Variants in TMC1 observed in about 807,000 individuals in gnomAD.
TMC1 encodes transmembrane channel like 1.
TMC1 carries 84 observed loss-of-function variants against 105.8 expected under a neutral mutation model. That is an observed-to-expected ratio of 0.79 (90% confidence interval 0.67 to 0.95). The LOEUF (loss-of-function observed/expected upper bound fraction) is 0.95. TMC1 is among the 40% of genes least tolerant of loss of function. The probability of loss-of-function intolerance (pLI) is 0.00; values close to 1 mark genes in which losing one functional copy is unlikely to be tolerated. For missense variants in TMC1, 817 were observed against 914.1 expected, an observed-to-expected ratio of 0.89 and a Z score of 1.37; for synonymous variants, 315 against 311.5, an observed-to-expected ratio of 1.01 and a Z score of -0.12.
At chr9:72,684,707 G>A (rs1267248629) in intron 5 of TMC1, among the ~76,000 whole-genome samples, 5 of 152,032 alleles carry the variant, frequency 3.3e-5, no homozygotes, top group African/African-American at 4.8e-5. Flanking sequence ...GAAATCCAAC[G>A]GATCTGATTA....
chr9:72,807,149 A>G (rs142055132), intron 18 of TMC1, among the ~76,000 whole-genome samples: 312 of 152,330 alleles, frequency 2.0e-3, no homozygotes, highest in Admixed American at 5.2e-3. Context: ...GGCACTCGGC[A>G]TGCTCAGTCA....
At chr9:72,608,193 A>G (rs1291332842) in intron 2 of TMC1, among the ~76,000 whole-genome samples, 1 of 152,186 alleles carries the variant, frequency 6.6e-6, no homozygotes, top group Non-Finnish European at 1.5e-5. Flanking sequence ...TTAAACAGAA[A>G]AAGTGAAAAA....
intron 8 of TMC1, among the ~76,000 whole-genome samples, chr9:72,736,221 A>G (rs1827295091): frequency 6.6e-6 from 1 of 152,218 alleles, no homozygotes; most frequent in African/African-American, 2.4e-5. Flanking sequence ...GAAGAGACAA[A>G]AATAAAACTT....
At chr9:72,646,672 C>T (rs1049309837) in intron 4 of TMC1, among the ~76,000 whole-genome samples, 2 of 151,324 alleles carry the variant, frequency 1.3e-5, no homozygotes, top group African/African-American at 4.9e-5. Context: ...CTCGCCCCGT[C>T]CTGCAGACTG....
chr9:72,824,435 C>A (rs899237844), intron 20 of TMC1, among the ~76,000 whole-genome samples: 3 of 152,168 alleles, frequency 2.0e-5, no homozygotes, highest in Non-Finnish European at 4.4e-5. Context: ...AGAATGAGGT[C>A]ACATGGATTA....
rs1564400192 is a variant in TMC1, at chr9:72,543,958, T to TCTTTCTTTC, written c.-428+22045_-428+22046insCTTTCTTTC. ...TTTTTCTTTTTCTTTCTTTCTTTTT[T>TCTTTCTTTC]TTTTTTTTTTTGAGATGGAGTCTCG... On this transcript the variant is annotated intron_variant, in intron 1 of 23. Transcript: ENST00000297784. Among the ~76,000 whole-genome samples, 228 of 145,264 alleles carry TCTTTCTTTC rather than the reference T, an allele frequency of 1.6e-3. 1 individual carries two copies. Among genetic ancestry groups the TCTTTCTTTC allele is most frequent in the African/African-American group, 5.1e-3 (199 of 39,150 alleles).
intron 10 of TMC1, 45 bp from the exon 11 acceptor site, chr9:72,751,805 G>C: frequency 7.8e-7 from 1 of 1,276,096 alleles, no homozygotes; most frequent in Non-Finnish European, 1.1e-6. Context: ...TTGTTTGTTT[G>C]TTTGCTTTGA....
chr9:72,654,698 A>C (rs1051994248), intron 5 of TMC1, among the ~76,000 whole-genome samples: 8 of 152,116 alleles, frequency 5.3e-5, no homozygotes, highest in African/African-American at 1.9e-4. Context: ...TATCATTATT[A>C]CTTTTTGTTT....
chr9:72,828,966 T>C (rs1200218632), intron 21 of TMC1, among the ~76,000 whole-genome samples: 2 of 152,206 alleles, frequency 1.3e-5, no homozygotes, highest in African/African-American at 4.8e-5. Flanking sequence ...TCATGGGCCA[T>C]ACAAAACAGT....
intron 10 of TMC1, among the ~76,000 whole-genome samples, chr9:72,745,947 ACAGT>A (rs1431143958): frequency 1.3e-5 from 2 of 152,190 alleles, no homozygotes; most frequent in Non-Finnish European, 2.9e-5. Flanking sequence ...TGTGTAAGTT[ACAGT>A]CAGTTTTACA....
Position 72,810,584 on chromosome 9 carries a change from A to G in TMC1, c.1695+5074A>G, listed in dbSNP as rs560792477. 2.0e-5 allele frequency among the ~76,000 whole-genome samples: 3 copies of G among 151,432 alleles called. No homozygotes were observed. The South Asian group carries it at 6.2e-4, about 31-fold the overall frequency. ...TATAGTAACAGATTTTTATAAATATACACATATATACTTTTGTATACGTAT... is the reference window on the plus strand; with the variant it reads ...TATAGTAACAGATTTTTATAAATATGCACATATATACTTTTGTATACGTAT... On this transcript the variant is annotated intron_variant, in intron 18 of 23. Transcript: ENST00000297784.
chr9:72,601,195 GACACAC>G (rs71357599), intron 2 of TMC1, among the ~76,000 whole-genome samples: 1 of 93,626 alleles, frequency 1.1e-5, no homozygotes, highest in Non-Finnish European at 2.2e-5. Flanking sequence ...CACACACACA[GACACAC>G]ACACACACAC....
At chr9:72,810,781 T>G (rs1588095239) in intron 18 of TMC1, among the ~76,000 whole-genome samples, 1 of 152,324 alleles carries the variant, frequency 6.6e-6, no homozygotes, top group East Asian at 1.9e-4. Flanking sequence ...GTTTTTAATT[T>G]GCTTTAAGTT....
chr9:72,762,395 T>C (rs947791097), intron 12 of TMC1, among the ~76,000 whole-genome samples: 2 of 152,168 alleles, frequency 1.3e-5, no homozygotes, highest in South Asian at 2.1e-4. Flanking sequence ...AGCTGCTACC[T>C]TGAAAATGTG....
chr9:72,684,026 A>G (rs1826336754), intron 5 of TMC1, among the ~76,000 whole-genome samples: 1 of 151,854 alleles, frequency 6.6e-6, no homozygotes. Flanking sequence ...TAAGTTGTTC[A>G]GTCTTTTAAC....
rs535388966 is a variant in TMC1 at position 72,672,711 on chromosome 9, T to C, written c.17-15998T>C. Among the ~76,000 whole-genome samples the C allele has an allele frequency of 2.0e-5, 3 of 152,046 alleles. No homozygotes were observed. In the South Asian group the frequency reaches 6.2e-4, roughly 32 times the overall value. On this transcript the variant is annotated intron_variant, in intron 5 of 23. Coordinates refer to ENST00000297784, the MANE Select transcript of TMC1 (RefSeq NM_138691.3). ...AAGGATACAGAAAACCTCCAAAATA[T>C]TATCAATCACCTTGAATTAATTAAT...
At chr9:72,677,036 G>T (rs568858965) in intron 5 of TMC1, among the ~76,000 whole-genome samples, 1 of 151,754 alleles carries the variant, frequency 6.6e-6, no homozygotes, top group Non-Finnish European at 1.5e-5. Flanking sequence ...ATTATATCAG[G>T]TGTCTTCTTA....
chr9:72,730,223 G>A (rs1564518469), intron 8 of TMC1, among the ~76,000 whole-genome samples: 1 of 152,110 alleles, frequency 6.6e-6, no homozygotes, highest in East Asian at 1.9e-4. Flanking sequence ...AATAATTCTT[G>A]TTTTTATGGC....
intron 8 of TMC1, among the ~76,000 whole-genome samples, chr9:72,725,560 C>T (rs910752911): frequency 5.9e-5 from 9 of 151,494 alleles, no homozygotes; most frequent in South Asian, 2.1e-4. Flanking sequence ...AAGATGTTGT[C>T]GGGGAGGCTA....
Sources: gnomAD v4.1 joint callset for allele counts (sites outside exome capture counted in the v4.1 genomes callset) on GRCh38, gnomAD v4.1.1 for gene constraint, MANE v1.5 for transcripts, NCBI Gene and HGNC (gene_info 2026-07-23, HGNC 2026-07-21) for gene names.